COL6A2: variants seen among roughly 807,000 people sequenced by gnomAD.
COL6A2 encodes the protein collagen alpha-2(VI) chain.
COL6A2 carries 90 observed loss-of-function variants against 124.9 expected under a neutral mutation model. The ratio of observed to expected loss-of-function variants is 0.72; its 90% CI spans 0.61 to 0.86. The LOEUF (loss-of-function observed/expected upper bound fraction) is 0.86. Ranked by LOEUF, COL6A2 falls within the 40% of genes least tolerant of loss-of-function variation. The pLI, the probability that COL6A2 is intolerant of heterozygous loss-of-function variation, is 0.00. For missense variants in COL6A2, 1,607 were observed against 1,502.5 expected, an observed-to-expected ratio of 1.07 and a Z score of -1.15; for synonymous variants, 793 against 618.2, an observed-to-expected ratio of 1.28 and a Z score of -4.19.
intron 1 of COL6A2, 71 bp from the exon 2 acceptor site, chr21:46,111,379 C>A: frequency 1.2e-6 from 1 of 842,920 alleles, no homozygotes; most frequent in Non-Finnish European, 2.0e-6. Flanking sequence ...GCTGTGCGTG[C>A]GCCTGCCATG....
At chr21:46,120,940 A>AGGGGCC in intron 16 of COL6A2, 121 bp from the exon 17 acceptor site, 2 of 923,386 alleles carry the variant, frequency 2.2e-6, no homozygotes, top group East Asian at 2.5e-5. Context: ...GGAGGGTCAT[A>AGGGGCC]GGGGCCGGGG....
intron 1 of COL6A2, among the ~76,000 whole-genome samples, chr21:46,108,823 A>C (rs2078363294): frequency 1.3e-5 from 2 of 152,148 alleles, no homozygotes; most frequent in Admixed American, 1.3e-4. Context: ...TTAGGGTGTC[A>C]CTTTTCTGGC....
At chr21:46,104,909 A>G (rs2078321255) in intron 1 of COL6A2, among the ~76,000 whole-genome samples, 1 of 152,276 alleles carries the variant, frequency 6.6e-6, no homozygotes, top group Admixed American at 6.5e-5. Flanking sequence ...AAAACTGTCT[A>G]CCAAGAAGCC....
At chr21:46,126,647 G>A in intron 27 of COL6A2, 106 bp downstream of exon 27, 1 of 1,385,436 alleles carries the variant, frequency 7.2e-7, no homozygotes, top group Admixed American at 1.9e-5. Context: ...GGACCCGGGG[G>A]GCGGCGGAGC....
In COL6A2 at chr21:46,113,601, T is replaced by C. The variant is rs369700115; in HGVS notation, c.736-407T>C. On this transcript the variant is annotated intron_variant, in intron 4 of 27. Transcript: ENST00000300527. ...GTGGGAGGATCGCTTTCGTATTGTTTTTTTGTAGAGATGGGATCTCACTAT... is the reference window on the plus strand; with the variant it reads ...GTGGGAGGATCGCTTTCGTATTGTTCTTTTGTAGAGATGGGATCTCACTAT... 13 of 257,082 alleles carry C rather than the reference T, an allele frequency of 5.1e-5. No homozygotes were observed. In the East Asian group the frequency reaches 1.2e-3, roughly 23 times the overall value. The allele number at this position is 257,082 out of a possible 1,614,324, so 15.9% of individuals were successfully genotyped here. A position where few individuals can be genotyped will look rare whatever the true frequency, so the allele number is the denominator to read the frequency against.
At chr21:46,119,959 TCA>T in intron 15 of COL6A2, 109 bp downstream of exon 15, 1 of 973,454 alleles carries the variant, frequency 1.0e-6, no homozygotes, top group East Asian at 2.6e-5. Context: ...CCCCAGGGCC[TCA>T]CTCTCCAGAG....
rs372936386 is a variant in COL6A2, at chr21:46,126,210, G to A, written c.2395G>A (p.Asp799Asn). 31 of 1,601,480 alleles carry A rather than the reference G, an allele frequency of 1.9e-5. No homozygotes were observed. Among genetic ancestry groups the A allele is most frequent in the African/African-American group, 1.5e-4 (11 of 74,910 alleles). ...CGACCTGGTCGCTGAGAAGTTCATC[G>A]ATGACATGGAGGACGTCCTCTGCCC... is the stretch of plus-strand genomic sequence containing the variant. The part of the protein sequence containing the change: ...FSDLVAEKFI[D>N]DMEDVLCPDP... The change falls in exon 26 of 28, where the codon GAT becomes AAT. Residue 799 changes from aspartate (D) to asparagine (N), a missense_variant. By Grantham distance (23) the Asp-to-Asn change is conservative (BLOSUM62 1). Around this residue, in one of 3 missense-constraint regions of COL6A2, gnomAD observed 1,223 missense variants for 1,052.2 expected, o/e 1.16. Transcript: ENST00000300527.
intron 26 of COL6A2, 71 bp from the exon 27 acceptor site, chr21:46,126,432 T>C (rs200714264): frequency 7.2e-4 from 1,152 of 1,595,978 alleles, no homozygotes; most frequent in Non-Finnish European, 9.3e-4. Context: ...TCTAGGCAGA[T>C]CAGTGAACGG....
At chr21:46,122,786 C>A (rs1030606619) in intron 20 of COL6A2, 89 bp from the exon 21 acceptor site, 9 of 1,363,554 alleles carry the variant, frequency 6.6e-6, no homozygotes, top group Non-Finnish European at 9.4e-6. Flanking sequence ...CCCAAAATGC[C>A]AGATCGATTT....
At chr21:46,124,943 C>G in intron 23 of COL6A2, 23 bp downstream of exon 23, 1 of 1,612,736 alleles carries the variant, frequency 6.2e-7, no homozygotes. Context: ...TGGGGCAGAA[C>G]CAGTGTCCTT....
rs1345508446 is a variant in COL6A2 at position 46,112,481 on chromosome 21, C to T, written c.618C>T (p.Ser206=). 1 of 1,611,216 alleles carries T rather than the reference C, an allele frequency of 6.2e-7. No individual in the cohort carries two copies. The highest frequency in any genetic ancestry group is 1.3e-5 in the African/African-American group (1 of 75,032). Residue 206 remains serine (S), a synonymous_variant, in exon 3 of 28, where the codon AGC becomes AGT. Transcript: ENST00000300527. Reference sequence around the variant, plus strand: ...AGCAGGGCCTGCGGGACATCGCCAGCACGCCGCACGAGCTCTACCGCAACG... The same window carrying T: ...AGCAGGGCCTGCGGGACATCGCCAGTACGCCGCACGAGCTCTACCGCAACG... ...LKEQGLRDIA[S]TPHELYRNDY... is the part of the protein sequence containing the mutation.
intron 1 of COL6A2, among the ~76,000 whole-genome samples, chr21:46,102,980 A>C (rs1380283814): frequency 6.6e-6 from 1 of 152,060 alleles, no homozygotes; most frequent in Non-Finnish European, 1.5e-5. Flanking sequence ...GTTTTTTGAA[A>C]ATTTTGGGAG....
intron 21 of COL6A2, among the ~76,000 whole-genome samples, chr21:46,123,944 GGTGGATGA>G (rs1455950989): frequency 3.3e-5 from 5 of 150,360 alleles, no homozygotes; most frequent in African/African-American, 9.9e-5. Context: ...GTAGGTGATG[GGTGGATGA>G]GTGGATAGAT....
chr21:46,129,675 C>CT (rs1399203091), intron 27 of COL6A2: 2 of 1,419,840 alleles, frequency 1.4e-6, no homozygotes, highest in African/African-American at 2.9e-5. Context: ...CACCGTGTCC[C>CT]TTGCTGCGGC....
At chr21:46,123,204 A>C (rs565739790) in intron 21 of COL6A2, among the ~76,000 whole-genome samples, 1 of 73,544 alleles carries the variant, frequency 1.4e-5, no homozygotes, top group Non-Finnish European at 2.3e-5. Context: ...TGACCCCTCC[A>C]CAACATCCCC....
Position 46,116,954 on chromosome 21 carries a change from CA to C in COL6A2, c.999+141del. The stretch of plus-strand genomic sequence containing the variant: ...ACACACACACACACACACACACACA[CA>C]CGAACTTCAGCTCCTGCCACATCCC... On this transcript the variant is annotated intron_variant, in intron 10 of 27. Coordinates refer to ENST00000300527, the MANE Select transcript of COL6A2 (RefSeq NM_001849.4). The surrounding 1 kb of genome is among the most constrained non-coding windows in gnomAD (Gnocchi z 4.6). 1 of 828,604 alleles carries C rather than the reference CA, an allele frequency of 1.2e-6. No individual in the cohort carries two copies. The highest frequency in any genetic ancestry group is 1.9e-6 in the Non-Finnish European group (1 of 517,864). 51.3% of individuals were successfully genotyped at this position (828,604 alleles called of 1,614,324 possible).
chr21:46,113,659 A>G (rs56924254), intron 4 of COL6A2: 1 of 398,138 alleles, frequency 2.5e-6, no homozygotes, highest in South Asian at 2.2e-5. Flanking sequence ...TCCTGGCCTC[A>G]AGCAGTCCTC....
At chr21:46,110,148 C>G (rs1379282952) in intron 1 of COL6A2, among the ~76,000 whole-genome samples, 1 of 152,196 alleles carries the variant, frequency 6.6e-6, no homozygotes, top group African/African-American at 2.4e-5. Context: ...CCCCTTCACC[C>G]AGCACACCAC....
chr21:46,112,611 A>G, intron 3 of COL6A2, 34 bp downstream of exon 3: 1 of 1,607,924 alleles, frequency 6.2e-7, no homozygotes, highest in African/African-American at 1.3e-5. Context: ...TCCACGCGCC[A>G]GGGGTGGCCA....
Sources: allele counts gnomAD v4.1 joint callset (sites outside exome capture counted in the v4.1 genomes callset), GRCh38; gene constraint gnomAD v4.1.1; regional missense constraint gnomAD v4.1.1; non-coding constraint Gnocchi (gnomAD v3.1); transcripts MANE v1.5; gene names NCBI Gene and HGNC (gene_info 2026-07-23, HGNC 2026-07-21).